The following BNIP3 variants were observed in gnomAD, a reference collection of about 807,000 sequenced individuals.
BNIP3 encodes the protein BCL2 interacting protein 3.
A neutral mutation model predicts 23.9 loss-of-function variants in BNIP3; 16 were observed. The ratio of observed to expected loss-of-function variants is 0.67; its 90% confidence interval spans 0.45 to 1.01. The LOEUF (loss-of-function observed/expected upper bound fraction) is 1.01, where lower values mean the gene tolerates loss of function less well. Among genes scored for constraint, BNIP3 ranks in the 50% least tolerant of loss-of-function variants. The pLI, the probability that BNIP3 is intolerant of heterozygous loss-of-function variation, is 0.00. For missense variants in BNIP3, 198 were observed against 248.7 expected, an observed-to-expected ratio of 0.80 and a Z score of 1.37; for synonymous variants, 81 against 89.3, an observed-to-expected ratio of 0.91 and a Z score of 0.53.
rs1386824149 is a variant in BNIP3, at chr10:131,973,828, A to C, written c.162T>G (p.Ser54=). The change falls in exon 2 of 6, where the codon TCT becomes TCG. Residue 54 remains serine (S), a synonymous_variant. Transcript: ENST00000368636. ...EKILLDAQHE[S]GRSSSKSSHC... The stretch of plus-strand genomic sequence containing the variant: ...GAGAGCTCTTGGAGCTACTCCGTCC[A>C]GACTCATGCTGTGCGTCCAGCAGTA... 6.2e-7 allele frequency: 1 copy of C among 1,612,462 alleles called. No homozygotes were observed. Among genetic ancestry groups the C allele is most frequent in the East Asian group, 2.2e-5 (1 of 44,908 alleles).
At chr10:131,977,765 C>A (rs2037091023) in intron 1 of BNIP3, among the ~76,000 whole-genome samples, 5 of 152,126 alleles carry the variant, frequency 3.3e-5, no homozygotes, top group Admixed American at 3.3e-4. Context: ...CCAGAAAGGA[C>A]CTAAAAATCC....
In BNIP3 at chr10:131,977,141, C is replaced by T. The variant is rs567201925; in HGVS notation, c.47-3198G>A. ...TACAAAATTAGCTGGGCGTGGTGGG[C>T]GCCTGTAATCCCAGCTACTCGGGAA... On this transcript the variant is annotated intron_variant, in intron 1 of 5. Transcript: ENST00000368636. 4.6e-5 allele frequency among the ~76,000 whole-genome samples: 7 copies of T among 152,046 alleles called. No homozygotes were observed. The East Asian group carries it at 9.7e-4, about 21-fold the overall frequency.
chr10:131,973,147 C>G (rs1589976430), intron 2 of BNIP3, 29 bp from the exon 3 acceptor site: 23 of 1,602,400 alleles, frequency 1.4e-5, no homozygotes, highest in Middle Eastern at 1.7e-4. Flanking sequence ...ATGGGAAAAA[C>G]AGAACATCAT....
intron 1 of BNIP3, among the ~76,000 whole-genome samples, chr10:131,977,579 A>G (rs61134583): frequency 2.6e-5 from 4 of 152,260 alleles, no homozygotes; most frequent in Admixed American, 6.5e-5. Flanking sequence ...CATCCCTTCA[A>G]TGAGGCTACA....
At chr10:131,977,592 G>C (rs2037089696) in intron 1 of BNIP3, among the ~76,000 whole-genome samples, 2 of 152,158 alleles carry the variant, frequency 1.3e-5, no homozygotes, top group South Asian at 4.2e-4. Context: ...AGGCTACAGA[G>C]GGACCCACCT....
chr10:131,973,716 C>A (rs1188611503), intron 2 of BNIP3, 77 bp downstream of exon 2: 3 of 1,572,186 alleles, frequency 1.9e-6, no homozygotes, highest in Non-Finnish European at 2.6e-6. Context: ...AGAGGTGACA[C>A]GGGCACTTCC....
At position 131,974,904 on chromosome 10, in the gene BNIP3, C is replaced by T. The variant is rs7904222; in HGVS notation, c.47-961G>A. On this transcript the variant is annotated intron_variant, in intron 1 of 5. Transcript: ENST00000368636. ...GAAACTGAGGCTGGAACGCTGCTCC[C>T]GTTCCCTTACTGCTAAAAGTGCAAT... 4.9e-3 allele frequency among the ~76,000 whole-genome samples: 751 copies of T among 152,294 alleles called. 4 individuals are homozygous for T. Among genetic ancestry groups the T allele is most frequent in the African/African-American group, 0.017 (719 of 41,544 alleles).
chr10:131,971,061 C>A, intron 3 of BNIP3, 91 bp from the exon 4 acceptor site: 1 of 1,193,574 alleles, frequency 8.4e-7, no homozygotes, highest in Non-Finnish European at 1.2e-6. Flanking sequence ...GATCCGCAGG[C>A]TCAATTCAAG....
At chr10:131,973,390 C>G (rs1204219781) in intron 2 of BNIP3, 1 of 501,360 alleles carries the variant, frequency 2.0e-6, no homozygotes, top group African/African-American at 1.9e-5. Flanking sequence ...CCTTCACGGT[C>G]TGGGTCTGTT....
Position 131,970,834 on chromosome 10 carries a change from G to A in BNIP3, c.389+30C>T, listed in dbSNP as rs774815447. The A allele has an allele frequency of 1.9e-6, 3 of 1,614,098 alleles. No homozygotes were observed. Among genetic ancestry groups the A allele is most frequent in the Admixed American group, 1.7e-5 (1 of 60,008 alleles). On this transcript the variant is annotated intron_variant, in intron 4 of 5. Coordinates refer to ENST00000368636, the MANE Select transcript of BNIP3 (RefSeq NM_004052.4). The surrounding 1 kb of genome is among the most constrained non-coding windows in gnomAD (Gnocchi z 4.1). ...CAGCTGATGTGTCCTCTGTCAAGGG[G>A]TGCCCCCGTGACACTGAGAACACAC...
intron 1 of BNIP3, among the ~76,000 whole-genome samples, chr10:131,979,133 G>T (rs866729405): frequency 3.3e-5 from 5 of 152,170 alleles, no homozygotes; most frequent in African/African-American, 1.2e-4. Flanking sequence ...TCCCACTGCT[G>T]CCTCATGCAG....
intron 5 of BNIP3, chr10:131,969,778 G>C (rs944358978): frequency 2.0e-5 from 3 of 152,212 alleles, no homozygotes; most frequent in African/African-American, 7.2e-5. Context: ...CCAGCCCGAG[G>C]AGGAGCCGTT....
In BNIP3 at chr10:131,976,567, G is replaced by A. The variant is rs1364657895; in HGVS notation, c.47-2624C>T. Among the ~76,000 whole-genome samples the A allele has an allele frequency of 6.6e-6, 1 of 152,120 alleles. No individual in the cohort carries two copies. Among genetic ancestry groups the A allele is most frequent in the Admixed American group, 6.6e-5 (1 of 15,262 alleles). ...AGAAACAATTCCAGGGCAGACAAAT[G>A]GAAATGACATACAGCCCAGATCCCC... On this transcript the variant is annotated intron_variant, in intron 1 of 5. Transcript: ENST00000368636. This position sits in a 1 kb window ranked among gnomAD's most constrained non-coding sequence, Gnocchi z 4.3.
chr10:131,971,932 C>T (rs1227304490), intron 3 of BNIP3, among the ~76,000 whole-genome samples: 1 of 152,216 alleles, frequency 6.6e-6, no homozygotes, highest in Non-Finnish European at 1.5e-5. Flanking sequence ...ACGGAAGGGT[C>T]AGCTACTAAC....
chr10:131,980,318 G>A (rs950879802), intron 1 of BNIP3: 1 of 152,140 alleles, frequency 6.6e-6, no homozygotes, highest in African/African-American at 2.4e-5. Flanking sequence ...ATGGCAAAGA[G>A]TTTATAAAAA....
chr10:131,981,713 C>A (rs2037120281), intron 1 of BNIP3, 48 bp downstream of exon 1: 2 of 1,458,384 alleles, frequency 1.4e-6, no homozygotes, highest in South Asian at 1.3e-5. Context: ...CTTCCCCAGG[C>A]TTCCCCCCCG....
intron 3 of BNIP3, among the ~76,000 whole-genome samples, chr10:131,972,283 A>G (rs554348261): frequency 2.6e-4 from 39 of 152,348 alleles, no homozygotes; most frequent in Non-Finnish European, 4.9e-4. Context: ...GGCTGGACAC[A>G]GTATCTCACA....
At position 131,971,000 on chromosome 10, in the gene BNIP3, C is replaced by T. The variant is rs1309298292; in HGVS notation, c.283-30G>A. On this transcript the variant is annotated intron_variant, in intron 3 of 5. Transcript: ENST00000368636. This position sits in a 1 kb window ranked among gnomAD's most constrained non-coding sequence, Gnocchi z 4.1. ...GATAAAGTCAATGTTAAAGGCAGAT[C>T]AGTGTACCACACGTGACACGGGAAA... 1 of 1,595,474 alleles carries T rather than the reference C, an allele frequency of 6.3e-7. No individual in the cohort carries two copies. Among genetic ancestry groups the T allele is most frequent in the Admixed American group, 1.7e-5 (1 of 59,976 alleles).
chr10:131,981,913 G>T lies in BNIP3; in HGVS notation c.-107C>A. 1 of 1,280,404 alleles carries T rather than the reference G, an allele frequency of 7.8e-7. No homozygotes were observed. The highest frequency in any genetic ancestry group is 1.0e-6 in the Non-Finnish European group (1 of 995,580). 79.3% of individuals were successfully genotyped at this position (1,280,404 alleles called of 1,614,324 possible). A position where few individuals can be genotyped will look rare whatever the true frequency, so the allele number is the denominator to read the frequency against. On this transcript the variant is annotated 5_prime_UTR_variant, in exon 1 of 6. Transcript: ENST00000368636. ...GGTCGGAGCGCCGCGGCCCAGCTGC[G>T]CTCCCGGACTGAGCGGAGCCCCGCA...
Sources: allele counts gnomAD v4.1 joint callset (sites outside exome capture counted in the v4.1 genomes callset), GRCh38; gene constraint gnomAD v4.1.1; non-coding constraint Gnocchi (gnomAD v3.1); transcripts MANE v1.5; gene names NCBI Gene and HGNC (gene_info 2026-07-23, HGNC 2026-07-21).